Variants in PDIA5 observed in about 807,000 individuals in gnomAD.
PDIA5 encodes protein disulfide isomerase family A member 5, also known as protein disulfide-isomerase A5.
In PDIA5, 58 loss-of-function variants were observed where a neutral mutation model predicts 77.6. The ratio of observed to expected loss-of-function variants is 0.75; its 90% CI spans 0.61 to 0.93. The LOEUF (loss-of-function observed/expected upper bound fraction) is 0.93, where lower values mean the gene tolerates loss of function less well. Among genes scored for constraint, PDIA5 ranks in the 40% least tolerant of loss-of-function variants. The pLI, the probability that PDIA5 is intolerant of heterozygous loss-of-function variation, is 0.00. For missense variants in PDIA5, 630 were observed against 647.7 expected (o/e 0.97, Z 0.30); for synonymous variants, 250 against 252.1 (o/e 0.99, Z 0.08).
chr3:123,108,560 G>T (rs1286617633), intron 6 of PDIA5, among the ~76,000 whole-genome samples: 1 of 148,164 alleles, frequency 6.7e-6, no homozygotes. Context: ...GATTACAGGC[G>T]TGAGCCACTG....
intron 6 of PDIA5, among the ~76,000 whole-genome samples, chr3:123,107,276 A>G (rs1934759415): frequency 6.6e-6 from 1 of 152,204 alleles, no homozygotes. Flanking sequence ...ATTCTGGGTC[A>G]TTCTATAGCT....
intron 14 of PDIA5, among the ~76,000 whole-genome samples, 153 bp downstream of exon 14, chr3:123,150,517 C>T (rs183748619): frequency 6.6e-6 from 1 of 152,246 alleles, no homozygotes; most frequent in Admixed American, 6.5e-5. Flanking sequence ...AATTTTATTC[C>T]AGGCTAAGAG....
chr3:123,092,229 G>A (rs1934308643), intron 2 of PDIA5, 126 bp from the exon 3 acceptor site: 3 of 702,250 alleles, frequency 4.3e-6, no homozygotes, highest in Non-Finnish European at 7.4e-6. Flanking sequence ...TGTTTTACCT[G>A]GTGCTCAGGA....
intron 3 of PDIA5, among the ~76,000 whole-genome samples, chr3:123,094,392 G>T (rs1388264560): frequency 6.6e-6 from 1 of 152,248 alleles, no homozygotes; most frequent in Non-Finnish European, 1.5e-5. Context: ...CCAAGGTTCA[G>T]AACTCTGGGC....
At chr3:123,073,854 G>A (rs1933786506) in intron 1 of PDIA5, among the ~76,000 whole-genome samples, 1 of 152,212 alleles carries the variant, frequency 6.6e-6, no homozygotes, top group Non-Finnish European at 1.5e-5. Flanking sequence ...TCGTGAGCAG[G>A]TCCTTTAATC....
At chr3:123,140,942 G>T (rs548454724) in intron 11 of PDIA5, among the ~76,000 whole-genome samples, 1 of 152,154 alleles carries the variant, frequency 6.6e-6, no homozygotes, top group African/African-American at 2.4e-5. Context: ...CCCAGTGAGC[G>T]AGTTCTCAGA....
rs977664404 is a variant in PDIA5, at chr3:123,155,101, T to C, written c.1344+60T>C. 1.1e-4 allele frequency: 132 copies of C among 1,194,226 alleles called. No homozygotes were observed. The African/African-American group carries it at 1.8e-3, about 17-fold the overall frequency. 74.0% of individuals were successfully genotyped at this position (1,194,226 alleles called of 1,614,324 possible). Reference sequence around the variant, plus strand: ...GCAGCTAATTCCTACACCTTCCTTCTTGTCATTCAGGTCCTTCCCCAAACA... The same window carrying C: ...GCAGCTAATTCCTACACCTTCCTTCCTGTCATTCAGGTCCTTCCCCAAACA... On this transcript the variant is annotated intron_variant, in intron 15 of 16. Transcript: ENST00000316218.
chr3:123,089,431 C>T, intron 2 of PDIA5, 137 bp downstream of exon 2: 1 of 768,358 alleles, frequency 1.3e-6, no homozygotes, highest in Non-Finnish European at 2.1e-6. Flanking sequence ...CACCTTTCCT[C>T]AGAAGACAGA....
intron 1 of PDIA5, among the ~76,000 whole-genome samples, chr3:123,069,535 C>T (rs79752234): frequency 0.034 from 5,124 of 152,146 alleles, 118 homozygotes; most frequent in African/African-American, 0.063. Flanking sequence ...GTTCTGCAGA[C>T]CAAAAGTCCG....
chr3:123,102,868 T>A, intron 5 of PDIA5, 72 bp downstream of exon 5: 3 of 1,003,708 alleles, frequency 3.0e-6, no homozygotes, highest in Non-Finnish European at 4.8e-6. Context: ...AGGTTTTCTC[T>A]CTGAGAAAAG....
chr3:123,070,884 T>G (rs1348950102), intron 1 of PDIA5, among the ~76,000 whole-genome samples: 1 of 152,046 alleles, frequency 6.6e-6, no homozygotes, highest in African/African-American at 2.4e-5. Context: ...GAAGCTGGGC[T>G]GGGATAGAGT....
At chr3:123,070,671 A>G (rs1933701496) in intron 1 of PDIA5, among the ~76,000 whole-genome samples, 2 of 152,266 alleles carry the variant, frequency 1.3e-5, no homozygotes, top group Middle Eastern at 3.4e-3. Flanking sequence ...CTGCCGAGCC[A>G]TGCTGCCCTG....
chr3:123,067,218 G>C lies in PDIA5; in HGVS notation c.42+12G>C, dbSNP rs1468045972. 4.0e-6 allele frequency: 5 copies of C among 1,245,386 alleles called. No individual in the cohort carries two copies. Among genetic ancestry groups the C allele is most frequent in the Non-Finnish European group, 5.1e-6 (5 of 988,936 alleles). The allele number at this position is 1,245,386 out of a possible 1,614,324, so 77.1% of individuals were successfully genotyped here. Reference sequence around the variant, plus strand: ...TGCTGGCAATCTGGGTGAGACTGTGGGGCAGGGATCCGGGCCGGGCCAGCA... The same window carrying C: ...TGCTGGCAATCTGGGTGAGACTGTGCGGCAGGGATCCGGGCCGGGCCAGCA... On this transcript the variant is annotated intron_variant, in intron 1 of 16. Transcript: ENST00000316218.
At position 123,142,594 on chromosome 3, in the gene PDIA5, G is replaced by C. The variant is rs192059096; in HGVS notation, c.911-2928G>C. Reference sequence around the variant, plus strand: ...CCTATGTGCATTTTTCTGGAAGAAGGGTTTACCACTTTGATCATGATCTCC... The same window carrying C: ...CCTATGTGCATTTTTCTGGAAGAAGCGTTTACCACTTTGATCATGATCTCC... On this transcript the variant is annotated intron_variant, in intron 11 of 16. Coordinates refer to ENST00000316218, the MANE Select transcript of PDIA5 (RefSeq NM_006810.4). Among the ~76,000 whole-genome samples the C allele has an allele frequency of 3.2e-3, 494 of 152,306 alleles. 2 individuals are homozygous for C. Among genetic ancestry groups the C allele is most frequent in the South Asian group, 0.018 (86 of 4,828 alleles).
intron 11 of PDIA5, among the ~76,000 whole-genome samples, chr3:123,137,718 C>T (rs897973656): frequency 1.3e-5 from 2 of 152,140 alleles, no homozygotes; most frequent in Non-Finnish European, 1.5e-5. Flanking sequence ...GTCACATAGC[C>T]AAAAAGTGCA....
At chr3:123,136,725 CAAAAAA>C (rs59022235) in intron 11 of PDIA5, among the ~76,000 whole-genome samples, 4 of 71,530 alleles carry the variant, frequency 5.6e-5, no homozygotes, top group African/African-American at 1.1e-4. Context: ...GGTGACAAGA[CAAAAAA>C]AAAAAAAAAA....
chr3:123,154,918 G>A, intron 14 of PDIA5, 53 bp from the exon 15 acceptor site: 1 of 1,224,740 alleles, frequency 8.2e-7, no homozygotes, highest in Non-Finnish European at 1.2e-6. Flanking sequence ...TGGCCCTGCA[G>A]CCTCCCTGCA....
At chr3:123,133,026 A>G (rs1376854558) in intron 11 of PDIA5, among the ~76,000 whole-genome samples, 1 of 152,222 alleles carries the variant, frequency 6.6e-6, no homozygotes, top group Non-Finnish European at 1.5e-5. Context: ...CTCTGGATTA[A>G]TTCCCTTTCT....
chr3:123,084,828 C>A (rs561349745), intron 1 of PDIA5, among the ~76,000 whole-genome samples: 15 of 152,288 alleles, frequency 9.8e-5, no homozygotes, highest in Non-Finnish European at 1.6e-4. Flanking sequence ...TCTCTCCACG[C>A]GGGCAGCCAC....
Sources: gnomAD v4.1 joint callset for allele counts (sites outside exome capture counted in the v4.1 genomes callset) on GRCh38, gnomAD v4.1.1 for gene constraint, MANE v1.5 for transcripts, NCBI Gene and HGNC (gene_info 2026-07-23, HGNC 2026-07-21) for gene names.